Variants in NEK6 observed in about 807,000 individuals in gnomAD.
The protein encoded by NEK6 is NIMA related kinase 6.
NEK6 carries 27 observed loss-of-function variants against 43.5 expected under a neutral mutation model. The ratio of observed to expected loss-of-function variants is 0.62; its 90% CI spans 0.46 to 0.86. The LOEUF (loss-of-function observed/expected upper bound fraction) is 0.86, where lower values mean the gene tolerates loss of function less well. Among genes scored for constraint, NEK6 ranks in the 40% least tolerant of loss-of-function variants. NEK6 has a pLI of 0.00. For missense variants in NEK6, 318 were observed against 414.4 expected (o/e 0.77, Z 2.02); for synonymous variants, 167 against 164.1 (o/e 1.02, Z -0.14).
chr9:124,327,498 G>T, intron 7 of NEK6, 53 bp downstream of exon 7: 1 of 1,345,358 alleles, frequency 7.4e-7, no homozygotes, highest in East Asian at 2.3e-5. Flanking sequence ...TGGTGACCAT[G>T]CAGGGAGACG....
In NEK6 at chr9:124,326,481, C is replaced by G. The variant is rs752994242; in HGVS notation, c.514+43C>G. 3 of 1,449,112 alleles carry G rather than the reference C, an allele frequency of 2.1e-6. No homozygotes were observed. The highest frequency in any genetic ancestry group is 3.4e-5 in the Admixed American group (2 of 59,530). The allele number at this position is 1,449,112 out of a possible 1,614,324, so 89.8% of individuals were successfully genotyped here. A position where few individuals can be genotyped will look rare whatever the true frequency, so the allele number is the denominator to read the frequency against. On this transcript the variant is annotated intron_variant, in intron 6 of 9. Transcript: ENST00000320246. The surrounding 1 kb of genome is among the most constrained non-coding windows in gnomAD (Gnocchi z 4.5). ...GGAGCCGCCCGGAGCCACCTGGAGC[C>G]CAGGAAGACACTTCCTCATGGCTCC... is the stretch of plus-strand genomic sequence containing the variant.
chr9:124,289,542 G>A (rs1352268013), intron 1 of NEK6, among the ~76,000 whole-genome samples: 1 of 152,126 alleles, frequency 6.6e-6, no homozygotes, highest in Admixed American at 6.5e-5. Flanking sequence ...AGGCATCCAA[G>A]CCACAGCCCC....
chr9:124,272,817 C>CTGAGTG (rs1051036926), intron 1 of NEK6, among the ~76,000 whole-genome samples: 8 of 152,184 alleles, frequency 5.3e-5, no homozygotes, highest in African/African-American at 1.9e-4. Flanking sequence ...CTGAGTGAGG[C>CTGAGTG]TGCATCATTT....
chr9:124,303,896 TAATTAC>T (rs1480579581), intron 2 of NEK6, among the ~76,000 whole-genome samples: 1 of 152,280 alleles, frequency 6.6e-6, no homozygotes, highest in African/African-American at 2.4e-5. Context: ...CAATTAGGGT[TAATTAC>T]AACCTCATTT....
intron 7 of NEK6, among the ~76,000 whole-genome samples, chr9:124,337,512 A>G (rs756767508): frequency 7.2e-5 from 11 of 152,376 alleles, no homozygotes; most frequent in Middle Eastern, 3.4e-3. Flanking sequence ...ATGAAATACA[A>G]TAATGTGCTG....
intron 4 of NEK6, among the ~76,000 whole-genome samples, chr9:124,316,576 C>T (rs552324287): frequency 6.6e-6 from 1 of 152,228 alleles, no homozygotes; most frequent in East Asian, 1.9e-4. Flanking sequence ...CCCTTCCAGA[C>T]CCACCTGGGC....
intron 8 of NEK6, among the ~76,000 whole-genome samples, chr9:124,342,652 G>A (rs1007489117): frequency 4.6e-5 from 7 of 152,232 alleles, no homozygotes; most frequent in South Asian, 2.1e-4. Flanking sequence ...TTTGGCCAGC[G>A]GGAAGCCAAA....
At chr9:124,331,916 C>T (rs1338972909) in intron 7 of NEK6, among the ~76,000 whole-genome samples, 3 of 152,212 alleles carry the variant, frequency 2.0e-5, no homozygotes, top group Non-Finnish European at 4.4e-5. Flanking sequence ...TGGGAATGAT[C>T]CTGTCAGTCC....
At chr9:124,345,635 C>G (rs760292006) in intron 8 of NEK6, among the ~76,000 whole-genome samples, 1 of 152,102 alleles carries the variant, frequency 6.6e-6, no homozygotes, top group Non-Finnish European at 1.5e-5. Context: ...TCGGCTGATT[C>G]CTCTCCGGGG....
At chr9:124,339,347 T>C (rs942277) in intron 7 of NEK6, among the ~76,000 whole-genome samples, 144,299 of 151,696 alleles carry the variant, frequency 0.95, 68,987 homozygotes, top group East Asian at 1. Flanking sequence ...TTCAAGTCCC[T>C]GGCACCCCAG....
intron 7 of NEK6, among the ~76,000 whole-genome samples, chr9:124,328,841 C>T (rs569400863): frequency 6.6e-6 from 1 of 152,174 alleles, no homozygotes; most frequent in African/African-American, 2.4e-5. Flanking sequence ...AAACTCTTGT[C>T]CCCACCTGGC....
At chr9:124,266,580 G>A (rs935128985) in intron 1 of NEK6, among the ~76,000 whole-genome samples, 5 of 152,214 alleles carry the variant, frequency 3.3e-5, no homozygotes, top group African/African-American at 7.2e-5. Flanking sequence ...CTGAGCATCC[G>A]TCTTGTCATC....
At chr9:124,284,484 C>T (rs1045908226) in intron 1 of NEK6, among the ~76,000 whole-genome samples, 9 of 152,238 alleles carry the variant, frequency 5.9e-5, no homozygotes, top group Non-Finnish European at 1.2e-4. Flanking sequence ...GCAGCGACCA[C>T]GCACACGTTT....
intron 1 of NEK6, among the ~76,000 whole-genome samples, chr9:124,270,303 C>A (rs989204533): frequency 2.6e-5 from 4 of 152,194 alleles, no homozygotes; most frequent in Non-Finnish European, 5.9e-5. Flanking sequence ...CCCCACAAGA[C>A]CTGCAGGGCG....
At position 124,287,612 on chromosome 9, in the gene NEK6, G is replaced by A. The variant is rs370521908; in HGVS notation, c.-29-14324G>A. On this transcript the variant is annotated intron_variant, in intron 1 of 9. Transcript: ENST00000320246. Reference sequence around the variant, plus strand: ...GGCTGAGGTGGGTGGATCACCTGAGGTCAGGAGTTTGAAACTAGCCTGGCC... The same window carrying A: ...GGCTGAGGTGGGTGGATCACCTGAGATCAGGAGTTTGAAACTAGCCTGGCC... Among the ~76,000 whole-genome samples, 23 of 152,182 alleles carry A rather than the reference G, an allele frequency of 1.5e-4. 1 individual carries two copies. The East Asian group carries it at 1.5e-3, about 10-fold the overall frequency.
intron 1 of NEK6, among the ~76,000 whole-genome samples, chr9:124,281,508 T>C (rs1588453452): frequency 7.0e-6 from 1 of 143,576 alleles, no homozygotes; most frequent in African/African-American, 2.6e-5. Flanking sequence ...TTTTTTTTTT[T>C]TTTTTTTTTG....
rs761645776 is a variant in NEK6 at position 124,347,781 on chromosome 9, T to C, written c.790T>C (p.Cys264Arg). Residue 264 changes from cysteine (C) to arginine (R), a missense_variant, in exon 9 of 10, where the codon TGT (cysteine) becomes CGT (arginine). Transcript: ENST00000320246. ...CTCCCTGTGCCAGAAGATCGAGCAG[T>C]GTGACTACCCCCCACTCCCCGGGGA... Reference protein sequence around the residue: ...LFSLCQKIEQCDYPPLPGEHY... With the variant: ...LFSLCQKIEQRDYPPLPGEHY... 1.2e-6 allele frequency: 2 copies of C among 1,612,888 alleles called. No homozygotes were observed. Among genetic ancestry groups the C allele is most frequent in the East Asian group, 2.2e-5 (1 of 44,754 alleles).
intron 4 of NEK6, among the ~76,000 whole-genome samples, chr9:124,318,247 A>ATT (rs996164440): frequency 6.8e-6 from 1 of 147,414 alleles, no homozygotes. Context: ...TCTCATTGTA[A>ATT]TTTTTTTTTT....
At chr9:124,262,939 G>A (rs1416830434) in intron 1 of NEK6, 1 of 152,370 alleles carries the variant, frequency 6.6e-6, no homozygotes, top group Non-Finnish European at 1.5e-5. Context: ...GGCTTGCGGG[G>A]TGGGTCATGT....
Sources: allele counts gnomAD v4.1 joint callset (sites outside exome capture counted in the v4.1 genomes callset), GRCh38; gene constraint gnomAD v4.1.1; non-coding constraint Gnocchi (gnomAD v3.1); transcripts MANE v1.5; gene names NCBI Gene and HGNC (gene_info 2026-07-23, HGNC 2026-07-21).